Variants in SGCD observed in about 807,000 individuals in gnomAD.
SGCD encodes delta-sarcoglycan.
Under a neutral mutation model 36.6 loss-of-function variants are expected in SGCD, and 18 were observed. That is an observed-to-expected ratio of 0.49 (90% confidence interval 0.34 to 0.73). The LOEUF is 0.73. SGCD is among the 30% of genes least tolerant of loss of function. The pLI is 0.01. For synonymous variants in SGCD, 133 were observed against 130.6 expected (o/e 1.02, Z -0.12); for missense variants, 387 against 346.7 (o/e 1.12, Z -0.92).
intron 2 of SGCD, among the ~76,000 whole-genome samples, chr5:156,339,443 A>C (rs1220732466): frequency 6.6e-6 from 1 of 152,248 alleles, no homozygotes; most frequent in East Asian, 1.9e-4. Flanking sequence ...ATAGCTAGTT[A>C]CTTATTACTA....
intron 3 of SGCD, among the ~76,000 whole-genome samples, chr5:156,212,627 C>T (rs1168054060): frequency 1.3e-5 from 2 of 152,018 alleles, no homozygotes; most frequent in Non-Finnish European, 2.9e-5. Context: ...CAGATATAAA[C>T]TAAACTTTAG....
chr5:156,072,130 A>T (rs1760591705), intron 1 of SGCD, among the ~76,000 whole-genome samples: 1 of 151,744 alleles, frequency 6.6e-6, no homozygotes, highest in Non-Finnish European at 1.5e-5. Flanking sequence ...GTCCATTTAC[A>T]TTTAAAGTTA....
At chr5:156,102,614 C>A (rs1761546094) in intron 1 of SGCD, among the ~76,000 whole-genome samples, 1 of 152,148 alleles carries the variant, frequency 6.6e-6, no homozygotes, top group Admixed American at 6.6e-5. Context: ...TCTCCAAAGT[C>A]ACTTGCATAA....
intron 4 of SGCD, among the ~76,000 whole-genome samples, chr5:156,539,198 C>G (rs1203350489): frequency 2.0e-5 from 3 of 151,954 alleles, no homozygotes; most frequent in African/African-American, 4.8e-5. Context: ...TTGGGTCTCC[C>G]TCTTTACATG....
chr5:156,655,352 C>T (rs942750231), intron 7 of SGCD, among the ~76,000 whole-genome samples: 17 of 152,078 alleles, frequency 1.1e-4, no homozygotes, highest in African/African-American at 3.6e-4. Flanking sequence ...TGTTTGTTAA[C>T]GAAAACCAGA....
At chr5:156,145,995 C>T (rs186424676) in intron 3 of SGCD, among the ~76,000 whole-genome samples, 4 of 152,184 alleles carry the variant, frequency 2.6e-5, no homozygotes, top group Admixed American at 6.5e-5. Flanking sequence ...GGGCGGATCA[C>T]GAGGTCAGGA....
At chr5:156,422,972 C>A (rs566816774) in intron 3 of SGCD, among the ~76,000 whole-genome samples, 2 of 150,888 alleles carry the variant, frequency 1.3e-5, no homozygotes, top group African/African-American at 4.9e-5. Context: ...ACCAAGAAAT[C>A]GGCAAGTTGT....
chr5:156,071,321 G>T (rs1290408677), intron 1 of SGCD, among the ~76,000 whole-genome samples: 1 of 152,138 alleles, frequency 6.6e-6, no homozygotes, highest in African/African-American at 2.4e-5. Context: ...AGAGATTCTG[G>T]TATGTTGTAT....
chr5:156,444,777 C>T (rs1753687496), intron 3 of SGCD, among the ~76,000 whole-genome samples: 2 of 152,070 alleles, frequency 1.3e-5, no homozygotes, highest in East Asian at 1.9e-4. Flanking sequence ...TATCTATCCA[C>T]TGTAATTACA....
At chr5:156,461,938 T>C (rs906982271) in intron 3 of SGCD, among the ~76,000 whole-genome samples, 1 of 152,172 alleles carries the variant, frequency 6.6e-6, no homozygotes, top group Non-Finnish European at 1.5e-5. Flanking sequence ...ACCTTGAGCT[T>C]CCTACCTGCA....
At chr5:155,826,914 G>T in the SGCD span, among the ~76,000 whole-genome samples, 6 of 152,192 alleles carry the variant, frequency 3.9e-5, no homozygotes, top group Non-Finnish European at 7.3e-5. Context: ...ACTGGGCCTT[G>T]TGCTGGTTTC....
intron 4 of SGCD, among the ~76,000 whole-genome samples, chr5:156,532,777 A>G (rs1757939970): frequency 6.6e-6 from 1 of 152,086 alleles, no homozygotes; most frequent in African/African-American, 2.4e-5. Flanking sequence ...CTTATTTCTT[A>G]TAGTGACCTT....
At chr5:156,241,321 T>A (rs1408812765) in intron 3 of SGCD, among the ~76,000 whole-genome samples, 1 of 151,048 alleles carries the variant, frequency 6.6e-6, no homozygotes, top group East Asian at 1.9e-4. Context: ...TTAGAACCAG[T>A]TGAAAGTTTG....
At chr5:155,802,199 G>A in the SGCD span, among the ~76,000 whole-genome samples, 1 of 152,158 alleles carries the variant, frequency 6.6e-6, no homozygotes, top group East Asian at 1.9e-4. Flanking sequence ...ACTGTTTGAA[G>A]CAGCCAGCCA....
the SGCD span, among the ~76,000 whole-genome samples, chr5:155,730,262 G>A: frequency 6.6e-6 from 1 of 152,104 alleles, no homozygotes; most frequent in African/African-American, 2.4e-5. Flanking sequence ...ATCCCTTAAA[G>A]CTGTGGCCCC....
At chr5:155,797,731 A>G in the SGCD span, among the ~76,000 whole-genome samples, 14 of 152,216 alleles carry the variant, frequency 9.2e-5, no homozygotes, top group Non-Finnish European at 1.8e-4. Flanking sequence ...CTGTGCAACT[A>G]GAGGGTTGGG....
intron 7 of SGCD, among the ~76,000 whole-genome samples, chr5:156,668,962 C>G (rs1187413045): frequency 6.6e-6 from 1 of 152,080 alleles, no homozygotes; most frequent in East Asian, 1.9e-4. Context: ...TGTTAAGTGG[C>G]TGGAGCGGAA....
At chr5:155,985,383 G>A (rs536712500) in intron 1 of SGCD, among the ~76,000 whole-genome samples, 12 of 152,174 alleles carry the variant, frequency 7.9e-5, no homozygotes, top group South Asian at 2.1e-4. Flanking sequence ...CTGTGGCCTC[G>A]AATTCTTCTT....
chr5:156,534,963 A>G (rs1249303593), intron 4 of SGCD, among the ~76,000 whole-genome samples: 1 of 152,144 alleles, frequency 6.6e-6, no homozygotes, highest in East Asian at 1.9e-4. Flanking sequence ...TATAAATAAG[A>G]TTCCTTATAT....
Sources: allele counts gnomAD v4.1 joint callset (sites outside exome capture counted in the v4.1 genomes callset), GRCh38; gene constraint gnomAD v4.1.1; transcripts MANE v1.5; gene names NCBI Gene and HGNC (gene_info 2026-07-23, HGNC 2026-07-21).